EPB41L3: variants seen among roughly 807,000 people sequenced by gnomAD.
The protein encoded by EPB41L3 is erythrocyte membrane protein band 4.1 like 3, also known as band 4.1-like protein 3.
Under a neutral mutation model 127.1 loss-of-function variants are expected in EPB41L3, and 57 were observed. That is an observed-to-expected ratio of 0.45 (90% CI 0.36 to 0.56). EPB41L3 has a LOEUF of 0.56. Among genes scored for constraint, EPB41L3 ranks in the 20% least tolerant of loss-of-function variants. The pLI, the probability that EPB41L3 is intolerant of heterozygous loss-of-function variation, is 0.00. For synonymous variants in EPB41L3, 572 were observed against 549.5 expected (o/e 1.04, Z -0.57); for missense variants, 1,273 against 1,372.2 (o/e 0.93, Z 1.14).
chr18:5,480,662 C>A (rs74980340), intron 2 of EPB41L3, among the ~76,000 whole-genome samples: 10 of 152,154 alleles, frequency 6.6e-5, no homozygotes, highest in Middle Eastern at 3.4e-3. Context: ...TTTTGTAGAC[C>A]AAGTGAGGCT....
chr18:5,397,935 G>T lies in EPB41L3; in HGVS notation c.2472+86C>A. ...ATGTTGAAGGCAAAGCCAGCTGGAT[G>T]CAACCACACACTCACGCCCAAAAAA... is the stretch of plus-strand genomic sequence containing the variant. On this transcript the variant is annotated intron_variant, in intron 17 of 22. Transcript: ENST00000341928. This position sits in a 1 kb window ranked among gnomAD's most constrained non-coding sequence, Gnocchi z 4.1. 1 of 1,534,780 alleles carries T rather than the reference G, an allele frequency of 6.5e-7. No homozygotes were observed. The highest frequency in any genetic ancestry group is 8.9e-7 in the Non-Finnish European group (1 of 1,119,904).
intron 5 of EPB41L3, among the ~76,000 whole-genome samples, chr18:5,439,790 A>G (rs1409193061): frequency 6.6e-6 from 1 of 152,176 alleles, no homozygotes; most frequent in East Asian, 1.9e-4. Context: ...GATCCCTTCA[A>G]CGCTTGCCAG....
At chr18:5,394,554 ACCAG>A in intron 22 of EPB41L3, 119 bp downstream of exon 22, 1 of 698,006 alleles carries the variant, frequency 1.4e-6, no homozygotes, top group East Asian at 2.6e-5. Flanking sequence ...CCTCTTGGTA[ACCAG>A]CCCAACAAAT....
chr18:5,494,157 T>A (rs1237376368), intron 1 of EPB41L3, among the ~76,000 whole-genome samples: 1 of 152,058 alleles, frequency 6.6e-6, no homozygotes, highest in Admixed American at 6.5e-5. Context: ...AAACCGAACA[T>A]TTTTCCATCC....
intron 1 of EPB41L3, 84 bp from the exon 2 acceptor site, chr18:5,489,278 G>A: frequency 6.8e-7 from 1 of 1,470,922 alleles, no homozygotes; most frequent in Non-Finnish European, 9.0e-7. Flanking sequence ...CACCGTGAAA[G>A]GCTCAAGAGA....
At chr18:5,527,462 G>A (rs1456075480) in intron 1 of EPB41L3, among the ~76,000 whole-genome samples, 1 of 151,974 alleles carries the variant, frequency 6.6e-6, no homozygotes, top group African/African-American at 2.4e-5. Context: ...TATTTTAAAC[G>A]ACTCTTTCAT....
At chr18:5,519,707 A>G (rs1241569288) in intron 1 of EPB41L3, among the ~76,000 whole-genome samples, 2 of 152,108 alleles carry the variant, frequency 1.3e-5, no homozygotes, top group African/African-American at 4.8e-5. Context: ...CTTGCTTTCA[A>G]CCGCTACATA....
chr18:5,454,428 G>A (rs902181355), intron 3 of EPB41L3, among the ~76,000 whole-genome samples: 10 of 151,968 alleles, frequency 6.6e-5, no homozygotes, highest in Admixed American at 2.6e-4. Flanking sequence ...GCAATGCCAC[G>A]TTTAATAAGC....
intron 6 of EPB41L3, among the ~76,000 whole-genome samples, chr18:5,435,711 A>G (rs2047409447): frequency 6.6e-6 from 1 of 152,210 alleles, no homozygotes. Flanking sequence ...TGTGATTATT[A>G]GGCCCCAATT....
chr18:5,455,564 T>C (rs2082913156), intron 3 of EPB41L3, among the ~76,000 whole-genome samples: 1 of 152,018 alleles, frequency 6.6e-6, no homozygotes, highest in Non-Finnish European at 1.5e-5. Flanking sequence ...TTCAAGTACA[T>C]ACATGACAAA....
intron 8 of EPB41L3, among the ~76,000 whole-genome samples, chr18:5,429,060 A>G (rs2078620766): frequency 6.6e-6 from 1 of 152,204 alleles, no homozygotes; most frequent in South Asian, 2.1e-4. Context: ...TTTAAATACG[A>G]AATAGTTTTT....
At chr18:5,595,508 C>G (rs949431936) in intron 3 of EPB41L3, among the ~76,000 whole-genome samples, 1 of 152,128 alleles carries the variant, frequency 6.6e-6, no homozygotes, top group Non-Finnish European at 1.5e-5. Flanking sequence ...GAGGTCTACC[C>G]TAGGGGCCAT....
At chr18:5,482,384 C>G (rs554307701) in intron 2 of EPB41L3, among the ~76,000 whole-genome samples, 2 of 151,996 alleles carry the variant, frequency 1.3e-5, no homozygotes, top group Non-Finnish European at 2.9e-5. Context: ...AAGACCAAAC[C>G]TAAGAATTAT....
At chr18:5,408,265 T>C (rs1051680316) in intron 14 of EPB41L3, among the ~76,000 whole-genome samples, 1 of 66,586 alleles carries the variant, frequency 1.5e-5, no homozygotes. Flanking sequence ...GATTTTCTTT[T>C]CTTTTTTCTT....
At chr18:5,415,368 T>C (rs1339684310) in intron 13 of EPB41L3, among the ~76,000 whole-genome samples, 1 of 152,238 alleles carries the variant, frequency 6.6e-6, no homozygotes, top group Non-Finnish European at 1.5e-5. Context: ...TTTAGAAAGC[T>C]ACCCAGGTGA....
Position 5,486,442 on chromosome 18 carries a change from G to A in EPB41L3, c.183+2559C>T, listed in dbSNP as rs116426722. On this transcript the variant is annotated intron_variant, in intron 2 of 22. Transcript: ENST00000341928. The stretch of plus-strand genomic sequence containing the variant: ...TTGGTCTGAGCAAAGTTTTTTTTGT[G>A]TATAAGACTTCAAAAGCATAGGTAA... 8.6e-3 allele frequency among the ~76,000 whole-genome samples: 1,306 copies of A among 152,110 alleles called. 17 individuals carry two copies. Among genetic ancestry groups the A allele is most frequent in the African/African-American group, 0.028 (1,173 of 41,522 alleles).
intron 1 of EPB41L3, among the ~76,000 whole-genome samples, chr18:5,616,352 T>G (rs2144130103): frequency 6.6e-6 from 1 of 152,206 alleles, no homozygotes; most frequent in Non-Finnish European, 1.5e-5. Context: ...AGTCTCCCAG[T>G]CAAAATCAAC....
intron 16 of EPB41L3, 49 bp from the exon 17 acceptor site, chr18:5,398,192 C>T (rs961749107): frequency 6.2e-7 from 1 of 1,606,058 alleles, no homozygotes; most frequent in Non-Finnish European, 8.5e-7. Context: ...GAGACACAAA[C>T]TCAGGCACAT....
Position 5,582,377 on chromosome 18 carries a change from G to A in EPB41L3, c.-306+29963C>T, listed in dbSNP as rs1357672632. ...AGGTAAAGGAAAGAAGATGGGGTGGGGGGAGGACCAAGAACTTGGCAGCTG... is the reference window on the plus strand; with the variant it reads ...AGGTAAAGGAAAGAAGATGGGGTGGAGGGAGGACCAAGAACTTGGCAGCTG... On this transcript the variant is annotated intron_variant, in intron 3 of 21. Transcript: ENST00000545076. Among the ~76,000 whole-genome samples, 3 of 152,130 alleles carry A rather than the reference G, an allele frequency of 2.0e-5. No individual in the cohort carries two copies. The East Asian group carries it at 5.8e-4, about 29-fold the overall frequency.
Sources: allele counts gnomAD v4.1 joint callset (sites outside exome capture counted in the v4.1 genomes callset), GRCh38; gene constraint gnomAD v4.1.1; non-coding constraint Gnocchi (gnomAD v3.1); transcripts MANE v1.5; gene names NCBI Gene and HGNC (gene_info 2026-07-23, HGNC 2026-07-21).